Variants in CNTN5 observed in about 807,000 individuals in gnomAD.
The protein encoded by CNTN5 is contactin 5.
A neutral mutation model predicts 129.1 loss-of-function variants in CNTN5; 77 were observed. That is an observed-to-expected ratio of 0.60 (90% CI 0.50 to 0.72). The LOEUF (loss-of-function observed/expected upper bound fraction) is 0.72, where lower values mean the gene tolerates loss of function less well. Ranked by LOEUF, CNTN5 falls within the 30% of genes least tolerant of loss-of-function variation. CNTN5 has a pLI of 0.00. For missense variants in CNTN5, 1,478 were observed against 1,328.8 expected, an observed-to-expected ratio of 1.11 and a Z score of -1.75; for synonymous variants, 509 against 465.6, an observed-to-expected ratio of 1.09 and a Z score of -1.20.
chr11:100,074,049 C>G, intron 12 of CNTN5, 95 bp from the exon 13 acceptor site: 1 of 1,160,010 alleles, frequency 8.6e-7, no homozygotes, highest in Non-Finnish European at 1.2e-6. Flanking sequence ...TGAGAAATGC[C>G]TCCCAGAAGA....
At chr11:99,253,400 T>A (rs1862214395) in intron 1 of CNTN5, among the ~76,000 whole-genome samples, 1 of 152,134 alleles carries the variant, frequency 6.6e-6, no homozygotes, top group Admixed American at 6.6e-5. Context: ...AGCATTCATT[T>A]GGCCATATTT....
intron 3 of CNTN5, among the ~76,000 whole-genome samples, chr11:99,789,091 T>G (rs1029046693): frequency 1.3e-5 from 2 of 151,934 alleles, no homozygotes; most frequent in Non-Finnish European, 2.9e-5. Flanking sequence ...AAAAAAATTA[T>G]AAGAAATAGT....
chr11:99,310,171 A>G (rs546446404), intron 1 of CNTN5, among the ~76,000 whole-genome samples: 1 of 152,150 alleles, frequency 6.6e-6, no homozygotes, highest in Non-Finnish European at 1.5e-5. Context: ...ATACGCACGC[A>G]TAAGTATCTG....
At chr11:100,115,858 A>AT (rs1453035746) in intron 13 of CNTN5, among the ~76,000 whole-genome samples, 1 of 152,098 alleles carries the variant, frequency 6.6e-6, no homozygotes, top group African/African-American at 2.4e-5. Flanking sequence ...AAACTAAGAA[A>AT]TTTATTCATA....
At chr11:99,737,155 A>G (rs1943738304) in intron 3 of CNTN5, among the ~76,000 whole-genome samples, 2 of 151,914 alleles carry the variant, frequency 1.3e-5, no homozygotes, top group Admixed American at 1.3e-4. Flanking sequence ...ACACACACAC[A>G]CACACACGCA....
intron 13 of CNTN5, among the ~76,000 whole-genome samples, chr11:100,178,936 A>T (rs1948051774): frequency 6.6e-6 from 1 of 152,146 alleles, no homozygotes; most frequent in Non-Finnish European, 1.5e-5. Flanking sequence ...TGCTTAGTGC[A>T]TAGCATGTTT....
chr11:99,671,465 G>A (rs893092131), intron 3 of CNTN5, among the ~76,000 whole-genome samples: 10 of 152,100 alleles, frequency 6.6e-5, no homozygotes, highest in Admixed American at 2.6e-4. Context: ...GCATGTGTGC[G>A]TGTGTGTGTA....
intron 2 of CNTN5, among the ~76,000 whole-genome samples, chr11:99,552,359 G>T (rs1948520374): frequency 6.6e-6 from 1 of 151,886 alleles, no homozygotes; most frequent in South Asian, 2.1e-4. Context: ...AGATAAACAA[G>T]ACAAAAATCC....
At position 99,264,195 on chromosome 11, in the gene CNTN5, T is replaced by G. The variant is rs547290352; in HGVS notation, c.-209-61151T>G. Among the ~76,000 whole-genome samples, 395 of 151,588 alleles carry G rather than the reference T, an allele frequency of 2.6e-3. 1 individual carries two copies. The highest frequency in any genetic ancestry group is 3.7e-3 in the Non-Finnish European group (248 of 67,870). On this transcript the variant is annotated intron_variant, in intron 1 of 24. Coordinates refer to ENST00000524871, the MANE Select transcript of CNTN5 (RefSeq NM_014361.4). ...ATGAAGAGCAATGATTATTTTAAAT[T>G]TTATACAAGAAGATATTATTTAATA...
intron 2 of CNTN5, among the ~76,000 whole-genome samples, chr11:99,553,563 C>T (rs796336889): frequency 5.3e-5 from 8 of 151,810 alleles, no homozygotes; most frequent in African/African-American, 1.9e-4. Context: ...TTTTACTTAG[C>T]TTAATGTCCT....
chr11:100,074,976 C>G (rs7928265), intron 13 of CNTN5, among the ~76,000 whole-genome samples: 6,517 of 152,128 alleles, frequency 0.043, 161 homozygotes, highest in African/African-American at 0.069. Flanking sequence ...ATTGGTATTA[C>G]AAATGGTGAT....
intron 1 of CNTN5, among the ~76,000 whole-genome samples, chr11:99,288,572 C>A (rs568026270): frequency 2.0e-5 from 3 of 151,910 alleles, no homozygotes; most frequent in South Asian, 4.1e-4. Flanking sequence ...ATTTATCACA[C>A]TTTTTAATCA....
At chr11:100,316,203 A>G (rs1441722569) in intron 21 of CNTN5, among the ~76,000 whole-genome samples, 3 of 152,292 alleles carry the variant, frequency 2.0e-5, no homozygotes, top group South Asian at 2.1e-4. Flanking sequence ...TTTCATAATC[A>G]TTTCTGTGAT....
chr11:100,193,875 C>T (rs948902185), intron 15 of CNTN5, among the ~76,000 whole-genome samples: 1 of 151,734 alleles, frequency 6.6e-6, no homozygotes, highest in East Asian at 1.9e-4. Flanking sequence ...CTGAGAATAC[C>T]TCATTATTTA....
At chr11:100,334,070 C>T (rs368630081) in intron 21 of CNTN5, among the ~76,000 whole-genome samples, 1 of 151,978 alleles carries the variant, frequency 6.6e-6, no homozygotes, top group African/African-American at 2.4e-5. Context: ...CTACAGAGAA[C>T]TCAAGTCAGC....
intron 3 of CNTN5, among the ~76,000 whole-genome samples, chr11:99,792,569 G>GTCTGTC (rs563876129): frequency 1.2e-3 from 97 of 77,782 alleles, no homozygotes; most frequent in East Asian, 6.4e-3. Flanking sequence ...GTGTGTGTGT[G>GTCTGTC]TGTGTGTCTG....
At chr11:100,202,706 T>G (rs979691020) in intron 15 of CNTN5, among the ~76,000 whole-genome samples, 1 of 151,990 alleles carries the variant, frequency 6.6e-6, no homozygotes, top group Non-Finnish European at 1.5e-5. Context: ...TTTACCCTTC[T>G]TCCCTCATAG....
At chr11:100,334,566 G>A (rs376546102) in intron 21 of CNTN5, among the ~76,000 whole-genome samples, 7 of 151,832 alleles carry the variant, frequency 4.6e-5, no homozygotes, top group African/African-American at 1.7e-4. Context: ...AAGAAAATGT[G>A]GTATATACAC....
chr11:99,834,166 G>A (rs191165129), intron 4 of CNTN5, among the ~76,000 whole-genome samples: 2 of 152,218 alleles, frequency 1.3e-5, no homozygotes, highest in African/African-American at 4.8e-5. Flanking sequence ...CTTAACCAGA[G>A]GTTGTTGTCC....
Sources: gnomAD v4.1 joint callset for allele counts (sites outside exome capture counted in the v4.1 genomes callset) on GRCh38, gnomAD v4.1.1 for gene constraint, MANE v1.5 for transcripts, NCBI Gene and HGNC (gene_info 2026-07-23, HGNC 2026-07-21) for gene names.